DLGAP1: variants seen among roughly 807,000 people sequenced by gnomAD.
DLGAP1 encodes DLG associated protein 1.
A neutral mutation model predicts 90.8 loss-of-function variants in DLGAP1; 11 were observed. The ratio of observed to expected loss-of-function variants is 0.12; its 90% CI spans 0.08 to 0.20. The LOEUF is 0.20. Ranked by LOEUF, DLGAP1 falls within the 10% of genes least tolerant of loss-of-function variation. The pLI is 1.00. For missense variants in DLGAP1, 1,050 were observed against 1,333.8 expected (o/e 0.79, Z 3.31); for synonymous variants, 558 against 540.7 (o/e 1.03, Z -0.44).
chr18:3,716,461 A>T (rs2061764269), intron 7 of DLGAP1, among the ~76,000 whole-genome samples: 2 of 152,206 alleles, frequency 1.3e-5, no homozygotes. Flanking sequence ...GCCTGAGCCC[A>T]GGAGGCTGAT....
intron 1 of DLGAP1, among the ~76,000 whole-genome samples, chr18:4,202,248 C>CTTCACTT (rs2077622177): frequency 6.6e-6 from 1 of 152,008 alleles, no homozygotes; most frequent in Admixed American, 6.6e-5. Flanking sequence ...TGAAGTAACT[C>CTTCACTT]AGGAATGGAA....
chr18:3,858,733 T>C (rs1015686425), intron 4 of DLGAP1, among the ~76,000 whole-genome samples: 16 of 152,050 alleles, frequency 1.1e-4, no homozygotes, highest in African/African-American at 3.6e-4. Context: ...CTAGATCTAA[T>C]AAACTAAAAA....
chr18:4,025,875 A>G (rs1010127950), intron 2 of DLGAP1, among the ~76,000 whole-genome samples: 1 of 152,206 alleles, frequency 6.6e-6, no homozygotes, highest in Non-Finnish European at 1.5e-5. Flanking sequence ...TATTTTTAAA[A>G]AACAGTTACT....
At chr18:4,261,808 T>C (rs769307546) in intron 1 of DLGAP1, among the ~76,000 whole-genome samples, 3 of 152,134 alleles carry the variant, frequency 2.0e-5, no homozygotes, top group Non-Finnish European at 2.9e-5. Flanking sequence ...CACAAATGTA[T>C]ATACTAAGTG....
chr18:3,931,973 C>T (rs1307821447), intron 3 of DLGAP1, among the ~76,000 whole-genome samples: 1 of 152,160 alleles, frequency 6.6e-6, no homozygotes, highest in Non-Finnish European at 1.5e-5. Context: ...CTGCTGTGCA[C>T]CCTTGGTTTC....
chr18:3,821,588 T>G (rs2067421262), intron 4 of DLGAP1, among the ~76,000 whole-genome samples: 1 of 152,216 alleles, frequency 6.6e-6, no homozygotes, highest in Non-Finnish European at 1.5e-5. Flanking sequence ...AATAAACACT[T>G]AATTCTGAAG....
At chr18:4,147,360 G>A (rs565941782) in intron 2 of DLGAP1, among the ~76,000 whole-genome samples, 47 of 152,130 alleles carry the variant, frequency 3.1e-4, no homozygotes, top group African/African-American at 8.9e-4. Context: ...CACAATACCC[G>A]GATATTGATA....
intron 4 of DLGAP1, among the ~76,000 whole-genome samples, chr18:3,847,683 A>C (rs978812652): frequency 2.6e-5 from 4 of 152,330 alleles, no homozygotes; most frequent in Middle Eastern, 3.4e-3. Context: ...GAAGCCTAGA[A>C]AGAAACCAAA....
intron 1 of DLGAP1, among the ~76,000 whole-genome samples, chr18:4,210,067 A>C (rs1364879035): frequency 6.6e-6 from 1 of 152,144 alleles, no homozygotes; most frequent in African/African-American, 2.4e-5. Context: ...CATCCTTAGA[A>C]ACTTCCCCTA....
chr18:3,555,059 C>A (rs1355437651), intron 9 of DLGAP1, among the ~76,000 whole-genome samples: 2 of 151,926 alleles, frequency 1.3e-5, no homozygotes, highest in African/African-American at 4.8e-5. Context: ...AAAAAAATAC[C>A]CCTCAGCTGT....
At chr18:3,584,114 T>C (rs940895639) in intron 7 of DLGAP1, among the ~76,000 whole-genome samples, 19 of 152,220 alleles carry the variant, frequency 1.2e-4, no homozygotes, top group Non-Finnish European at 2.8e-4. Flanking sequence ...TGGCTTTCAG[T>C]TTCTCATTTG....
At chr18:3,682,108 C>A (rs1224351936) in intron 7 of DLGAP1, among the ~76,000 whole-genome samples, 1 of 140,216 alleles carries the variant, frequency 7.1e-6, no homozygotes, top group Admixed American at 7.2e-5. Context: ...ACAGGCGAGA[C>A]CCTGTCTCAA....
At chr18:4,374,160 T>C (rs538995611) in intron 1 of DLGAP1, among the ~76,000 whole-genome samples, 1 of 152,244 alleles carries the variant, frequency 6.6e-6, no homozygotes, top group East Asian at 1.9e-4. Flanking sequence ...AAAAGACTAT[T>C]TATATGGGGA....
At chr18:3,968,469 C>T (rs559859914) in intron 3 of DLGAP1, among the ~76,000 whole-genome samples, 3 of 152,176 alleles carry the variant, frequency 2.0e-5, no homozygotes, top group South Asian at 4.1e-4. Flanking sequence ...TAACTATACA[C>T]CTTAAAAAAA....
intron 9 of DLGAP1, among the ~76,000 whole-genome samples, chr18:3,552,684 G>C (rs925651581): frequency 6.6e-6 from 1 of 152,174 alleles, no homozygotes; most frequent in African/African-American, 2.4e-5. Flanking sequence ...CCAGGCCAGA[G>C]ACCCTTAGTT....
chr18:3,698,373 A>T (rs772480368), intron 7 of DLGAP1, among the ~76,000 whole-genome samples: 2 of 152,166 alleles, frequency 1.3e-5, no homozygotes, highest in Non-Finnish European at 2.9e-5. Context: ...CTTGTAAGGC[A>T]GGCCTGGTGG....
chr18:3,643,281 A>C lies in DLGAP1; in HGVS notation c.1592-61033T>G, dbSNP rs183377178. On this transcript the variant is annotated intron_variant, in intron 7 of 12. Coordinates refer to ENST00000315677, the MANE Select transcript of DLGAP1 (RefSeq NM_004746.4). ...AAGAAAGGAAAGAAAGAAAGAGAGAAAGAAAAAGTAAATCAAAACCAAAGG... is the reference window on the plus strand; with the variant it reads ...AAGAAAGGAAAGAAAGAAAGAGAGACAGAAAAAGTAAATCAAAACCAAAGG... Among the ~76,000 whole-genome samples, 133 of 152,298 alleles carry C rather than the reference A, an allele frequency of 8.7e-4. 1 individual carries two copies. Among genetic ancestry groups the C allele is most frequent in the African/African-American group, 2.9e-3 (122 of 41,562 alleles).
At chr18:4,404,072 C>CAG (rs1172970314) in intron 1 of DLGAP1, among the ~76,000 whole-genome samples, 1 of 152,146 alleles carries the variant, frequency 6.6e-6, no homozygotes, top group East Asian at 1.9e-4. Context: ...TACCACATGC[C>CAG]AGACACCAAA....
At chr18:4,102,670 TAAC>T (rs2075799331) in intron 2 of DLGAP1, among the ~76,000 whole-genome samples, 1 of 152,320 alleles carries the variant, frequency 6.6e-6, no homozygotes, top group Non-Finnish European at 1.5e-5. Flanking sequence ...TAATCTGAGT[TAAC>T]AAGTTCTCTT....
Sources: allele counts gnomAD v4.1 joint callset (sites outside exome capture counted in the v4.1 genomes callset), GRCh38; gene constraint gnomAD v4.1.1; transcripts MANE v1.5; gene names NCBI Gene and HGNC (gene_info 2026-07-23, HGNC 2026-07-21).